CCNH: variants seen among roughly 807,000 people sequenced by gnomAD.
The protein encoded by CCNH is cyclin-H.
CCNH carries 31 observed loss-of-function variants against 41.9 expected under a neutral mutation model. That is an observed-to-expected ratio of 0.74 (90% confidence interval 0.56 to 1.00). The LOEUF (loss-of-function observed/expected upper bound fraction) is 1.00, where lower values mean the gene tolerates loss of function less well. Among genes scored for constraint, CCNH ranks in the 50% least tolerant of loss-of-function variants. The pLI is 0.00. For synonymous variants in CCNH, 138 were observed against 136.1 expected (o/e 1.01, Z -0.10); for missense variants, 362 against 388.4 (o/e 0.93, Z 0.57).
upstream of CCNH, among the ~76,000 whole-genome samples, chr5:87,378,226 AGTCT>A (rs1761454888): frequency 6.6e-6 from 1 of 152,226 alleles, no homozygotes. Flanking sequence ...TACAGAGTTA[AGTCT>A]GTAGAAGTAT....
Position 87,359,505 on chromosome 5 carries a change from A to G in CCNH, c.*90+33265T>C, listed in dbSNP as rs1324419114. On this transcript the variant is annotated intron_variant and NMD_transcript_variant, in intron 9 of 9. Transcript: ENST00000645953. ...CTTTAATATGATTTTTAAAAGATCT[A>G]TATAGATTCCAAGATCTATATAAAA... Among the ~76,000 whole-genome samples the G allele has an allele frequency of 2.6e-5, 4 of 152,306 alleles. No homozygotes were observed. In the South Asian group the frequency reaches 6.2e-4, roughly 24 times the overall value.
chr5:87,333,184 A>G, intron 9 of CCNH: 1 of 1,542,274 alleles, frequency 6.5e-7, no homozygotes, highest in Non-Finnish European at 8.7e-7. Context: ...GTGAATTTTT[A>G]TTGGCTTTAT....
Position 87,376,532 on chromosome 5 carries a change from C to A in CCNH, n.649G>T, listed in dbSNP as rs142908426. 1.2e-6 allele frequency: 2 copies of A among 1,613,856 alleles called. No homozygotes were observed. Among genetic ancestry groups the A allele is most frequent in the African/African-American group, 2.7e-5 (2 of 74,892 alleles). ...GAGCACGATACTCTATGGAAAAAAT[C>A]ATGCCAGAAGAAGAGTACAGTGAAT... On this transcript the variant is annotated non_coding_transcript_exon_variant, in exon 1 of 1. Transcript: ENST00000607486.
chr5:87,351,622 A>T (rs920773972), intron 9 of CCNH, among the ~76,000 whole-genome samples: 1 of 151,928 alleles, frequency 6.6e-6, no homozygotes, highest in South Asian at 2.1e-4. Context: ...TGAGATGTAA[A>T]TCTGTCTGAT....
intron 9 of CCNH, chr5:87,366,390 A>G: frequency 2.3e-6 from 1 of 428,506 alleles, no homozygotes. Context: ...AATCAAAAGA[A>G]AGGTCCACAT....
intron 2 of CCNH, among the ~76,000 whole-genome samples, chr5:87,410,444 C>G (rs957721862): frequency 2.6e-5 from 4 of 151,668 alleles, no homozygotes; most frequent in African/African-American, 9.7e-5. Flanking sequence ...ATATTTTCAA[C>G]ATACTTCAAT....
chr5:87,375,027 A>G, downstream of CCNH: 1 of 1,333,712 alleles, frequency 7.5e-7, no homozygotes, highest in South Asian at 1.4e-5. Flanking sequence ...TGCAAGTAGT[A>G]TAATTTGAGA....
At chr5:87,348,347 A>G (rs1759011772) in intron 9 of CCNH, among the ~76,000 whole-genome samples, 3 of 152,128 alleles carry the variant, frequency 2.0e-5, no homozygotes, top group Admixed American at 1.3e-4. Context: ...TTTCCTAAAA[A>G]CAATCAAGTC....
chr5:87,338,536 A>ATTTTTTT lies in CCNH; in HGVS notation c.*91-19646_*91-19640dup, dbSNP rs1232583853. 3.5e-4 allele frequency among the ~76,000 whole-genome samples: 30 copies of ATTTTTTT among 85,216 alleles called. 1 individual carries two copies. Among genetic ancestry groups the ATTTTTTT allele is most frequent in the African/African-American group, 9.3e-4 (21 of 22,624 alleles). The allele number at this position is 85,216 out of a possible 152,430, so 55.9% of individuals were successfully genotyped here. On this transcript the variant is annotated intron_variant and NMD_transcript_variant, in intron 9 of 9. Coordinates refer to the CCNH transcript ENST00000645953. ...ATATATATATATATATATATATAAA[A>ATTTTTTT]TTTTTTTTTTTTTTAAGTAGAAATG...
chr5:87,320,487 T>C (rs1220879745), intron 9 of CCNH, among the ~76,000 whole-genome samples: 1 of 152,204 alleles, frequency 6.6e-6, no homozygotes, highest in Non-Finnish European at 1.5e-5. Flanking sequence ...CTCAGAAGAC[T>C]TACAATCATG....
intron 2 of CCNH, among the ~76,000 whole-genome samples, chr5:87,410,919 A>C (rs1174929523): frequency 6.6e-6 from 1 of 152,226 alleles, no homozygotes. Context: ...TCTATGTTCT[A>C]GTCCCAGTCC....
intron 9 of CCNH, among the ~76,000 whole-genome samples, chr5:87,360,129 T>TTG (rs1554047680): frequency 1.3e-5 from 2 of 151,582 alleles, no homozygotes; most frequent in African/African-American, 4.9e-5. Context: ...ATGCAGTTTT[T>TTG]TTTTTTTTTT....
chr5:87,401,930 T>C (rs1032114924), intron 5 of CCNH, among the ~76,000 whole-genome samples, 158 bp from the exon 6 acceptor site: 1 of 152,252 alleles, frequency 6.6e-6, no homozygotes, highest in Non-Finnish European at 1.5e-5. Flanking sequence ...AAGGATTTAT[T>C]ACCACTTACA....
Position 87,334,889 on chromosome 5 carries a change from C to CT in CCNH, c.*91-15993dup, listed in dbSNP as rs1353348896. Among the ~76,000 whole-genome samples the CT allele has an allele frequency of 3.6e-3, 515 of 145,052 alleles. 2 individuals are homozygous for CT. The highest frequency in any genetic ancestry group is 7.2e-3 in the African/African-American group (289 of 39,886). ...AGTTGAGAGCTGAACTAGTTTGTTC[C>CT]TTTTTTTTTTTTGAGACAGAATCTT... is the stretch of plus-strand genomic sequence containing the variant. On this transcript the variant is annotated intron_variant and NMD_transcript_variant, in intron 9 of 9. Transcript: ENST00000645953.
intron 9 of CCNH, chr5:87,331,215 T>C: frequency 9.5e-7 from 1 of 1,056,176 alleles, no homozygotes; most frequent in Non-Finnish European, 1.5e-6. Flanking sequence ...TTGGAATAAC[T>C]GGTTCAGAGT....
In CCNH at chr5:87,401,684, G is replaced by A; in HGVS notation, c.760+18C>T. 2.0e-6 allele frequency: 3 copies of A among 1,476,338 alleles called. No homozygotes were observed. The highest frequency in any genetic ancestry group is 2.8e-6 in the Non-Finnish European group (3 of 1,075,530). The allele number at this position is 1,476,338 out of a possible 1,614,324, so 91.5% of individuals were successfully genotyped here. On this transcript the variant is annotated intron_variant, in intron 6 of 8. Coordinates refer to ENST00000256897, the MANE Select transcript of CCNH (RefSeq NM_001239.4). Reference sequence around the variant, plus strand: ...TGTATTGGAAGAAACATTTTGTAAAGTGTTCTCTTTTACTTACTTTTCATT... The same window carrying A: ...TGTATTGGAAGAAACATTTTGTAAAATGTTCTCTTTTACTTACTTTTCATT...
chr5:87,380,357 AAAT>A (rs1761622941), upstream of CCNH: 1 of 709,942 alleles, frequency 1.4e-6, no homozygotes, highest in South Asian at 1.6e-5. Context: ...ACCCCTTGCT[AAAT>A]GCCTCATTAC....
chr5:87,391,569 A>G (rs1762521953), downstream of CCNH: 3 of 235,958 alleles, frequency 1.3e-5, no homozygotes, highest in East Asian at 6.1e-5. Flanking sequence ...TAGATCTCAT[A>G]ATGCTTTGTT....
chr5:87,391,171 T>G (rs1762487729), downstream of CCNH: 1 of 520,458 alleles, frequency 1.9e-6, no homozygotes, highest in African/African-American at 1.9e-5. Context: ...GCTATGACTG[T>G]ATCTTGATAT....
Sources: gnomAD v4.1 joint callset for allele counts (sites outside exome capture counted in the v4.1 genomes callset) on GRCh38, gnomAD v4.1.1 for gene constraint, MANE v1.5 for transcripts, NCBI Gene and HGNC (gene_info 2026-07-23, HGNC 2026-07-21) for gene names.